Variants in TRPC4 observed in about 807,000 individuals in gnomAD.
TRPC4 encodes the protein transient receptor potential cation channel subfamily C member 4.
A neutral mutation model predicts 99.4 loss-of-function variants in TRPC4; 49 were observed. The ratio of observed to expected loss-of-function variants is 0.49; its 90% CI spans 0.39 to 0.63. The LOEUF is 0.63. Among genes scored for constraint, TRPC4 ranks in the 20% least tolerant of loss-of-function variants. The pLI, the probability that TRPC4 is intolerant of heterozygous loss-of-function variation, is 0.00. For synonymous variants in TRPC4, 454 were observed against 425.9 expected (o/e 1.07, Z -0.81); for missense variants, 898 against 1,152.9 (o/e 0.78, Z 3.20).
intron 6 of TRPC4, among the ~76,000 whole-genome samples, chr13:37,661,861 G>A (rs1170017942): frequency 6.6e-6 from 1 of 152,120 alleles, no homozygotes; most frequent in Non-Finnish European, 1.5e-5. Flanking sequence ...TCAAAATTGA[G>A]ATGCCATCCT....
intron 8 of TRPC4, among the ~76,000 whole-genome samples, chr13:37,647,892 C>T (rs1951899028): frequency 6.6e-6 from 1 of 152,204 alleles, no homozygotes; most frequent in Non-Finnish European, 1.5e-5. Context: ...GTTAACCCCT[C>T]TTTTAATAAT....
chr13:37,828,237 G>A (rs1012060467), intron 1 of TRPC4, among the ~76,000 whole-genome samples: 9 of 152,276 alleles, frequency 5.9e-5, no homozygotes, highest in Non-Finnish European at 8.8e-5. Flanking sequence ...CGTCTTCTGC[G>A]TTGCTCACGC....
intron 1 of TRPC4, among the ~76,000 whole-genome samples, chr13:37,855,580 C>T (rs544238107): frequency 4.0e-5 from 6 of 151,804 alleles, no homozygotes; most frequent in Admixed American, 3.3e-4. Flanking sequence ...GCAGAATATA[C>T]ATTCCTTGCT....
At chr13:37,820,969 C>A (rs926593960) in intron 1 of TRPC4, among the ~76,000 whole-genome samples, 2 of 151,780 alleles carry the variant, frequency 1.3e-5, no homozygotes, top group Admixed American at 6.6e-5. Context: ...TAAAATGAAT[C>A]CAAATAGGAA....
At chr13:37,690,503 T>C (rs1375466394) in intron 4 of TRPC4, among the ~76,000 whole-genome samples, 5 of 152,060 alleles carry the variant, frequency 3.3e-5, no homozygotes, top group Admixed American at 6.6e-5. Flanking sequence ...TTAGTAGAGA[T>C]GGGTGATACT....
chr13:37,857,455 G>A (rs560572026), intron 1 of TRPC4, among the ~76,000 whole-genome samples: 13 of 151,216 alleles, frequency 8.6e-5, no homozygotes, highest in South Asian at 8.4e-4. Flanking sequence ...ACCCAGAATC[G>A]CCAAAGCTAT....
chr13:37,772,682 A>G (rs1956588447), intron 2 of TRPC4, among the ~76,000 whole-genome samples: 1 of 151,760 alleles, frequency 6.6e-6, no homozygotes, highest in Non-Finnish European at 1.5e-5. Flanking sequence ...CATCATTTAT[A>G]TCATATCACG....
At chr13:37,837,938 C>G (rs1314220360) in intron 1 of TRPC4, among the ~76,000 whole-genome samples, 1 of 152,106 alleles carries the variant, frequency 6.6e-6, no homozygotes, top group Non-Finnish European at 1.5e-5. Context: ...ATTCTTGTGA[C>G]AGTGGATAAG....
chr13:37,655,350 T>C (rs1952191835), intron 6 of TRPC4, 67 bp from the exon 7 acceptor site: 2 of 821,900 alleles, frequency 2.4e-6, no homozygotes, highest in Non-Finnish European at 1.6e-6. Context: ...GATAAAACAA[T>C]AAAGCTTGGC....
intron 2 of TRPC4, among the ~76,000 whole-genome samples, chr13:37,767,691 C>A (rs1281166726): frequency 6.6e-6 from 1 of 151,244 alleles, no homozygotes; most frequent in South Asian, 2.1e-4. Context: ...GCCTGTAAGA[C>A]CTTTGATGTT....
intron 8 of TRPC4, among the ~76,000 whole-genome samples, chr13:37,648,773 G>A (rs1405064881): frequency 5.3e-5 from 8 of 152,138 alleles, no homozygotes; most frequent in Admixed American, 3.3e-4. Context: ...AAAAAATGAT[G>A]GCAACATAAT....
In TRPC4 at chr13:37,745,508, G is replaced by A. The variant is rs529637387; in HGVS notation, c.897+429C>T. Among the ~76,000 whole-genome samples the A allele has an allele frequency of 7.7e-3, 857 of 111,212 alleles. 8 individuals carry two copies. Among genetic ancestry groups the A allele is most frequent in the South Asian group, 0.017 (60 of 3,494 alleles). The allele number at this position is 111,212 out of a possible 152,430, so 73.0% of individuals were successfully genotyped here. ...CACACACTTATATATACGTATATAT[G>A]TATATATATACGTATATATGTATAT... On this transcript the variant is annotated intron_variant, in intron 3 of 10. Transcript: ENST00000379705.
chr13:37,671,113 T>C (rs1952824127), intron 5 of TRPC4, among the ~76,000 whole-genome samples: 1 of 152,208 alleles, frequency 6.6e-6, no homozygotes, highest in African/African-American at 2.4e-5. Flanking sequence ...TCAAAAGCTG[T>C]TTCTTAGTGT....
Position 37,830,789 on chromosome 13 carries a change from A to C in TRPC4, c.-28+38806T>G, listed in dbSNP as rs973708112. 5.0e-5 allele frequency among the ~76,000 whole-genome samples: 6 copies of C among 120,588 alleles called. No homozygotes were observed. The South Asian group carries it at 1.3e-3, about 26-fold the overall frequency. The allele number at this position is 120,588 out of a possible 152,430, so 79.1% of individuals were successfully genotyped here. ...TATAAATAACATTTATATAATATAT[A>C]GTATATATTTTTTGTATATATATAT... On this transcript the variant is annotated intron_variant, in intron 1 of 10. Coordinates refer to ENST00000379705, the MANE Select transcript of TRPC4 (RefSeq NM_016179.4).
At chr13:37,715,575 T>G (rs772880742) in intron 3 of TRPC4, among the ~76,000 whole-genome samples, 2 of 152,192 alleles carry the variant, frequency 1.3e-5, no homozygotes, top group African/African-American at 2.4e-5. Context: ...CCCATCCCAA[T>G]GCACATATTT....
At chr13:37,843,136 A>G (rs2139647664) in intron 1 of TRPC4, among the ~76,000 whole-genome samples, 1 of 152,326 alleles carries the variant, frequency 6.6e-6, no homozygotes, top group East Asian at 1.9e-4. Flanking sequence ...GTTGTACTAC[A>G]TACTAATTGT....
At chr13:37,745,476 A>ATG (rs1955733671) in intron 3 of TRPC4, among the ~76,000 whole-genome samples, 2 of 1,482 alleles carry the variant, frequency 1.3e-3, no homozygotes, top group African/African-American at 2.7e-3. Flanking sequence ...ATATATATAC[A>ATG]CACACACACA....
intron 2 of TRPC4, among the ~76,000 whole-genome samples, chr13:37,779,644 T>C (rs1956788723): frequency 2.0e-5 from 3 of 152,142 alleles, no homozygotes; most frequent in South Asian, 4.1e-4. Context: ...TGCAGGAAGA[T>C]AAGGTGATTT....
At chr13:37,698,282 T>C (rs568552695) in intron 3 of TRPC4, among the ~76,000 whole-genome samples, 305 of 149,838 alleles carry the variant, frequency 2.0e-3, no homozygotes, top group African/African-American at 6.8e-3. Flanking sequence ...TGTCTCAGCC[T>C]CCCGAGGTAG....
Sources: gnomAD v4.1 joint callset for allele counts (sites outside exome capture counted in the v4.1 genomes callset) on GRCh38, gnomAD v4.1.1 for gene constraint, MANE v1.5 for transcripts, NCBI Gene and HGNC (gene_info 2026-07-23, HGNC 2026-07-21) for gene names.